CSMD1: variants seen among roughly 807,000 people sequenced by gnomAD.
The protein encoded by CSMD1 is CUB and Sushi multiple domains 1.
A neutral mutation model predicts 417.5 loss-of-function variants in CSMD1; 213 were observed. That is an observed-to-expected ratio of 0.51 (90% confidence interval 0.46 to 0.57). The LOEUF (loss-of-function observed/expected upper bound fraction) is 0.57. Among genes scored for constraint, CSMD1 ranks in the 20% least tolerant of loss-of-function variants. The pLI is 0.00. For missense variants in CSMD1, 6,923 were observed against 4,529.7 expected (o/e 1.53, Z -15.17); for synonymous variants, 2,862 against 1,736.8 (o/e 1.65, Z -16.11).
At chr8:4,757,714 T>C (rs932687873) in intron 1 of CSMD1, among the ~76,000 whole-genome samples, 10 of 152,062 alleles carry the variant, frequency 6.6e-5, no homozygotes, top group African/African-American at 2.4e-4. Flanking sequence ...ATCCTATCAC[T>C]TTGGGAGGGT....
intron 4 of CSMD1, among the ~76,000 whole-genome samples, chr8:4,003,257 G>T (rs776477661): frequency 3.9e-5 from 6 of 152,052 alleles, no homozygotes; most frequent in South Asian, 2.1e-4. Flanking sequence ...GCTGGGTGTG[G>T]TGACGGGCAC....
intron 23 of CSMD1, among the ~76,000 whole-genome samples, chr8:3,324,809 A>G (rs1806417528): frequency 6.6e-6 from 1 of 152,178 alleles, no homozygotes; most frequent in Admixed American, 6.5e-5. Context: ...GGCATTTACT[A>G]TTGAATGGTG....
intron 23 of CSMD1, among the ~76,000 whole-genome samples, chr8:3,318,758 T>C (rs1169505150): frequency 6.6e-6 from 1 of 151,898 alleles, no homozygotes; most frequent in Admixed American, 6.6e-5. Context: ...TTCTGCAGGG[T>C]TTCTGTGGAA....
chr8:4,077,603 G>C (rs1024944109), intron 3 of CSMD1, among the ~76,000 whole-genome samples: 9 of 151,986 alleles, frequency 5.9e-5, no homozygotes, highest in African/African-American at 2.2e-4. Context: ...GCTGTCACTT[G>C]AACTGCTGGT....
At position 2,973,153 on chromosome 8, in the gene CSMD1, T is replaced by G. The variant is rs774918523; in HGVS notation, c.8887A>C (p.Asn2963His). Residue 2963 changes from asparagine (N) to histidine (H), a missense_variant, in exon 57 of 70, where the codon AAT becomes CAT. Transcript: ENST00000635120. ...RGSPERTCLLNGSWSGLQPVC... is the reference protein window; with the variant it reads ...RGSPERTCLLHGSWSGLQPVC... The stretch of plus-strand genomic sequence containing the variant: ...GGCTGCAGTCCTGACCATGACCCAT[T>G]GAGCAAACACGTGCGTTCAGGGGAG... 6.2e-7 allele frequency: 1 copy of G among 1,613,642 alleles called. No homozygotes were observed. Among genetic ancestry groups the G allele is most frequent in the African/African-American group, 1.3e-5 (1 of 74,910 alleles).
chr8:4,241,989 T>G (rs1802433449), intron 3 of CSMD1, among the ~76,000 whole-genome samples: 1 of 152,192 alleles, frequency 6.6e-6, no homozygotes, highest in Admixed American at 6.5e-5. Flanking sequence ...CAACAGTGCT[T>G]TAAAGTAAAT....
intron 18 of CSMD1, among the ~76,000 whole-genome samples, chr8:3,371,670 A>G (rs184530158): frequency 1.0e-3 from 152 of 152,346 alleles, no homozygotes; most frequent in Admixed American, 5.1e-3. Flanking sequence ...TAGATAATCT[A>G]TGAAAGATGT....
At chr8:3,820,730 C>T (rs753910530) in intron 5 of CSMD1, among the ~76,000 whole-genome samples, 1 of 152,108 alleles carries the variant, frequency 6.6e-6, no homozygotes, top group Non-Finnish European at 1.5e-5. Flanking sequence ...CATGCGCCAC[C>T]GTGCCTGGCA....
intron 3 of CSMD1, among the ~76,000 whole-genome samples, chr8:4,419,008 G>C (rs980723023): frequency 6.6e-5 from 10 of 152,088 alleles, no homozygotes; most frequent in African/African-American, 2.4e-4. Flanking sequence ...TTTCACTACA[G>C]CCACCCATTT....
At chr8:3,440,903 G>C (rs75630863) in intron 12 of CSMD1, among the ~76,000 whole-genome samples, 3,980 of 152,294 alleles carry the variant, frequency 0.026, 88 homozygotes, top group East Asian at 0.091. Flanking sequence ...CCCCGATAAC[G>C]ACATGTCCAC....
intron 1 of CSMD1, among the ~76,000 whole-genome samples, chr8:4,737,206 G>T (rs1016379507): frequency 1.3e-5 from 2 of 152,064 alleles, no homozygotes; most frequent in Admixed American, 1.3e-4. Context: ...GGAACTGGAG[G>T]CCATTATCTT....
At chr8:3,900,408 A>G (rs1807661539) in intron 5 of CSMD1, among the ~76,000 whole-genome samples, 1 of 151,898 alleles carries the variant, frequency 6.6e-6, no homozygotes, top group Admixed American at 6.5e-5. Context: ...GGTGGGTGAC[A>G]GGGCAGCTGG....
chr8:4,176,968 C>G (rs1309387039), intron 3 of CSMD1, among the ~76,000 whole-genome samples: 1 of 151,604 alleles, frequency 6.6e-6, no homozygotes, highest in Non-Finnish European at 1.5e-5. Flanking sequence ...TAGACTCCCA[C>G]ACAATAAAAA....
intron 26 of CSMD1, among the ~76,000 whole-genome samples, chr8:3,234,878 G>A (rs1018647256): frequency 6.6e-6 from 1 of 152,182 alleles, no homozygotes; most frequent in Non-Finnish European, 1.5e-5. Context: ...CTCTTTGAGT[G>A]ATATTCCTAT....
chr8:3,547,279 C>T (rs1214895028), intron 10 of CSMD1, among the ~76,000 whole-genome samples: 2 of 152,192 alleles, frequency 1.3e-5, no homozygotes, highest in East Asian at 1.9e-4. Context: ...GACAGAAAGT[C>T]ATACTCGACA....
At chr8:3,292,808 A>C (rs1322427259) in intron 25 of CSMD1, among the ~76,000 whole-genome samples, 3 of 151,808 alleles carry the variant, frequency 2.0e-5, no homozygotes, top group African/African-American at 7.3e-5. Context: ...TTTTAATTGG[A>C]GCATTTAGCC....
chr8:3,699,330 C>G (rs990690382), intron 7 of CSMD1, among the ~76,000 whole-genome samples: 3 of 152,200 alleles, frequency 2.0e-5, no homozygotes, highest in African/African-American at 7.2e-5. Flanking sequence ...GATTCTGAAA[C>G]TAGTGTGTTT....
chr8:3,034,891 C>T (rs1289452730), intron 50 of CSMD1, among the ~76,000 whole-genome samples: 2 of 152,092 alleles, frequency 1.3e-5, no homozygotes, highest in African/African-American at 2.4e-5. Flanking sequence ...ATGACTCGAA[C>T]ATCACAGAAG....
At chr8:3,825,558 G>A (rs1161380763) in intron 5 of CSMD1, among the ~76,000 whole-genome samples, 3 of 147,324 alleles carry the variant, frequency 2.0e-5, no homozygotes, top group Admixed American at 1.4e-4. Flanking sequence ...GTGTGGGGCT[G>A]AGGGTGGTGT....
Sources: gnomAD v4.1 joint callset for allele counts (sites outside exome capture counted in the v4.1 genomes callset) on GRCh38, gnomAD v4.1.1 for gene constraint, MANE v1.5 for transcripts, NCBI Gene and HGNC (gene_info 2026-07-23, HGNC 2026-07-21) for gene names.